EPM2A: variants seen among roughly 807,000 people sequenced by gnomAD.
EPM2A encodes the protein laforin.
Under a neutral mutation model 26.5 loss-of-function variants are expected in EPM2A, and 21 were observed. The observed-to-expected ratio is 0.79, with a 90% confidence interval of 0.56 to 1.14. The LOEUF (loss-of-function observed/expected upper bound fraction) is 1.14. Among genes scored for constraint, EPM2A ranks in the 50% most tolerant of loss-of-function variants. EPM2A has a pLI of 0.00. For synonymous variants in EPM2A, 217 were observed against 177.6 expected, an observed-to-expected ratio of 1.22 and a Z score of -1.76; for missense variants, 458 against 440.8, an observed-to-expected ratio of 1.04 and a Z score of -0.35.
At chr6:145,401,436 A>G (rs571733329) in intron 4 of EPM2A, among the ~76,000 whole-genome samples, 4 of 152,226 alleles carry the variant, frequency 2.6e-5, no homozygotes, top group South Asian at 2.1e-4. Context: ...TTTATTTCCA[A>G]TTACTCTTCT....
chr6:145,489,533 T>G, intron 4 of EPM2A: 1 of 636,206 alleles, frequency 1.6e-6, no homozygotes, highest in African/African-American at 1.8e-5. Context: ...ATAGCTTAAC[T>G]TTGGTCCACT....
At chr6:145,424,971 T>C (rs751363087) in intron 4 of EPM2A, among the ~76,000 whole-genome samples, 4 of 78,460 alleles carry the variant, frequency 5.1e-5, no homozygotes, top group Non-Finnish European at 1.1e-4. Context: ...TATATAGACA[T>C]AGATCCATAT....
At chr6:145,710,809 A>C (rs1459717038) in intron 1 of EPM2A, among the ~76,000 whole-genome samples, 1 of 152,244 alleles carries the variant, frequency 6.6e-6, no homozygotes, top group South Asian at 2.1e-4. Flanking sequence ...TAATGAGTTC[A>C]TGTCCTTTGT....
intron 2 of EPM2A, among the ~76,000 whole-genome samples, chr6:145,642,187 T>C (rs1292541153): frequency 6.6e-6 from 1 of 152,220 alleles, no homozygotes; most frequent in Non-Finnish European, 1.5e-5. Flanking sequence ...GTTACCTTGA[T>C]ACAGATTTAA....
intron 2 of EPM2A, among the ~76,000 whole-genome samples, chr6:145,677,141 A>T (rs1166868529): frequency 1.3e-5 from 2 of 152,234 alleles, no homozygotes; most frequent in African/African-American, 2.4e-5. Flanking sequence ...ATGCAAATCA[A>T]TAAATGTAAT....
At chr6:145,612,234 T>C (rs534849600) in intron 2 of EPM2A, among the ~76,000 whole-genome samples, 56 of 152,334 alleles carry the variant, frequency 3.7e-4, no homozygotes, top group African/African-American at 1.3e-3. Flanking sequence ...TATATCTCTG[T>C]TTTTAAAGAA....
chr6:145,651,325 C>A (rs958594386), intron 2 of EPM2A, among the ~76,000 whole-genome samples: 1 of 152,190 alleles, frequency 6.6e-6, no homozygotes, highest in African/African-American at 2.4e-5. Context: ...AAGTAGACTA[C>A]AATATACTTC....
intron 4 of EPM2A, among the ~76,000 whole-genome samples, chr6:145,395,377 G>T (rs879518187): frequency 6.6e-6 from 1 of 152,074 alleles, no homozygotes; most frequent in Non-Finnish European, 1.5e-5. Context: ...AGAAGAAAAT[G>T]CCTTGGGAAT....
intron 4 of EPM2A, among the ~76,000 whole-genome samples, chr6:145,437,740 A>G (rs1019589661): frequency 2.0e-5 from 3 of 152,362 alleles, no homozygotes; most frequent in African/African-American, 7.2e-5. Flanking sequence ...TTGAAATAGT[A>G]TAATACCAAG....
chr6:145,401,045 T>C (rs1720271496), intron 4 of EPM2A, among the ~76,000 whole-genome samples: 1 of 152,154 alleles, frequency 6.6e-6, no homozygotes, highest in Admixed American at 6.6e-5. Context: ...GGTTTAATAA[T>C]TGAATAAAGT....
At chr6:145,642,881 T>C (rs1458445878) in intron 2 of EPM2A, among the ~76,000 whole-genome samples, 1 of 152,164 alleles carries the variant, frequency 6.6e-6, no homozygotes, top group African/African-American at 2.4e-5. Context: ...TATATACTAA[T>C]ATAAAAGCAA....
chr6:145,724,611 T>C (rs1008067315), intron 1 of EPM2A, among the ~76,000 whole-genome samples: 2 of 152,116 alleles, frequency 1.3e-5, no homozygotes, highest in Non-Finnish European at 2.9e-5. Flanking sequence ...TCAAGATTAG[T>C]ATAAACCTAC....
Position 145,672,693 on chromosome 6 carries a change from C to T in EPM2A, c.476+13429G>A, listed in dbSNP as rs117084830. On this transcript the variant is annotated intron_variant, in intron 2 of 3. Transcript: ENST00000367519. ...AGAAGTCTCTGGACTGGGGGAACCC[C>T]GGCACAAGGAAGAAACATCACAATA... Among the ~76,000 whole-genome samples, 1,334 of 152,286 alleles carry T rather than the reference C, an allele frequency of 8.8e-3. 13 individuals are homozygous for T. Among genetic ancestry groups the T allele is most frequent in the Non-Finnish European group, 0.011 (780 of 68,024 alleles).
chr6:145,620,730 C>T (rs1303388906), downstream of EPM2A, among the ~76,000 whole-genome samples: 2 of 152,110 alleles, frequency 1.3e-5, no homozygotes, highest in African/African-American at 2.4e-5. Flanking sequence ...TAATTTTCTC[C>T]TTTATAATCC....
intron 2 of EPM2A, among the ~76,000 whole-genome samples, chr6:145,552,125 C>T (rs1205876659): frequency 6.6e-6 from 1 of 151,528 alleles, no homozygotes; most frequent in Non-Finnish European, 1.5e-5. Flanking sequence ...GCGACAAGGG[C>T]TATAATAATG....
intron 2 of EPM2A, among the ~76,000 whole-genome samples, chr6:145,674,562 C>T (rs1239322492): frequency 1.3e-5 from 2 of 152,016 alleles, no homozygotes; most frequent in Non-Finnish European, 2.9e-5. Flanking sequence ...AGACAAATGG[C>T]TAACTAATAA....
intron 4 of EPM2A, among the ~76,000 whole-genome samples, chr6:145,424,349 G>C (rs1217511623): frequency 6.6e-6 from 1 of 152,202 alleles, no homozygotes; most frequent in Non-Finnish European, 1.5e-5. Context: ...TAAGCTGGAA[G>C]AGAAAGTAAT....
intron 2 of EPM2A, among the ~76,000 whole-genome samples, chr6:145,559,587 T>A (rs1054769304): frequency 8.6e-5 from 13 of 151,946 alleles, no homozygotes; most frequent in Non-Finnish European, 1.6e-4. Flanking sequence ...AAATTTTTTT[T>A]AAATGACAGT....
chr6:145,544,863 A>G (rs973801183), intron 2 of EPM2A, among the ~76,000 whole-genome samples: 1 of 152,128 alleles, frequency 6.6e-6, no homozygotes, highest in Non-Finnish European at 1.5e-5. Context: ...CCCCTGACTA[A>G]CTTTTTTCAC....
Sources: gnomAD v4.1 joint callset for allele counts (sites outside exome capture counted in the v4.1 genomes callset) on GRCh38, gnomAD v4.1.1 for gene constraint, MANE v1.5 for transcripts, NCBI Gene and HGNC (gene_info 2026-07-23, HGNC 2026-07-21) for gene names.